CDH18: variants seen among roughly 807,000 people sequenced by gnomAD.
The protein encoded by CDH18 is cadherin-18.
In CDH18, 31 loss-of-function variants were observed where a neutral mutation model predicts 67.9. The ratio of observed to expected loss-of-function variants is 0.46; its 90% CI spans 0.34 to 0.62. The LOEUF (loss-of-function observed/expected upper bound fraction) is 0.62, where lower values mean the gene tolerates loss of function less well. Ranked by LOEUF, CDH18 falls within the 20% of genes least tolerant of loss-of-function variation. CDH18 has a pLI of 0.01. For synonymous variants in CDH18, 362 were observed against 347.2 expected (o/e 1.04, Z -0.48); for missense variants, 890 against 975.5 (o/e 0.91, Z 1.17).
chr5:19,856,832 A>G (rs1041103462), intron 2 of CDH18, among the ~76,000 whole-genome samples: 17 of 151,842 alleles, frequency 1.1e-4, no homozygotes, highest in Non-Finnish European at 4.4e-5. Flanking sequence ...TCGGCCACCC[A>G]CTCTTTGGTA....
At chr5:20,391,302 G>A (rs1157108433) in intron 1 of CDH18, among the ~76,000 whole-genome samples, 1 of 151,824 alleles carries the variant, frequency 6.6e-6, no homozygotes, top group Non-Finnish European at 1.5e-5. Flanking sequence ...ATGATGGGGT[G>A]GTTAGGGTCA....
chr5:20,206,122 C>CA (rs1300468426), intron 2 of CDH18, among the ~76,000 whole-genome samples: 2 of 151,428 alleles, frequency 1.3e-5, no homozygotes, highest in African/African-American at 4.8e-5. Context: ...AAAGAAGACC[C>CA]AAATAAATAA....
intron 7 of CDH18, among the ~76,000 whole-genome samples, chr5:19,576,778 G>A (rs992561331): frequency 2.0e-5 from 3 of 152,116 alleles, no homozygotes; most frequent in South Asian, 4.2e-4. Flanking sequence ...CCAAAGACAT[G>A]GCTGCACCCT....
chr5:19,937,241 T>C (rs1794373288), intron 2 of CDH18, among the ~76,000 whole-genome samples: 1 of 151,378 alleles, frequency 6.6e-6, no homozygotes, highest in Non-Finnish European at 1.5e-5. Context: ...TCTGGACACC[T>C]ATCACTCATT....
chr5:19,627,670 T>C (rs1281748489), intron 5 of CDH18, among the ~76,000 whole-genome samples: 1 of 152,210 alleles, frequency 6.6e-6, no homozygotes, highest in East Asian at 1.9e-4. Flanking sequence ...TACACTTATA[T>C]ACATGCATAC....
At chr5:19,715,029 T>C (rs1254763326) in intron 5 of CDH18, among the ~76,000 whole-genome samples, 4 of 152,062 alleles carry the variant, frequency 2.6e-5, no homozygotes, top group Admixed American at 2.0e-4. Context: ...TTAATAGATA[T>C]AAAATATTGA....
At chr5:20,464,469 T>TG (rs560845242) in intron 1 of CDH18, among the ~76,000 whole-genome samples, 1,082 of 55,210 alleles carry the variant, frequency 0.02, 8 homozygotes, top group African/African-American at 0.073. Context: ...TCTTGCCTGT[T>TG]ATTGTTTATC....
chr5:19,545,187 A>G (rs17284201), intron 8 of CDH18, among the ~76,000 whole-genome samples: 15,817 of 152,204 alleles, frequency 0.1, 1,043 homozygotes, highest in Non-Finnish European at 0.13. Flanking sequence ...TATTTTATCT[A>G]GACCTGAAAG....
At chr5:20,560,563 G>A (rs554447004) in intron 1 of CDH18, among the ~76,000 whole-genome samples, 1 of 151,382 alleles carries the variant, frequency 6.6e-6, no homozygotes, top group African/African-American at 2.4e-5. Context: ...AGAGCAGAGA[G>A]ATTCAGAGTG....
At chr5:19,483,986 G>C (rs1193822111) in intron 11 of CDH18, among the ~76,000 whole-genome samples, 2 of 152,164 alleles carry the variant, frequency 1.3e-5, no homozygotes, top group Non-Finnish European at 2.9e-5. Context: ...CTGAGGTGAA[G>C]TTGATGCATA....
Position 19,473,636 on chromosome 5 carries a change from C to T in CDH18, c.1963G>A (p.Val655Met), listed in dbSNP as rs779693583. Reference sequence around the variant, plus strand: ...CCTCCTTCATCATCATAGGTGACCACGTTCTCCCGTACATCCTCTTCTGAA... The same window carrying T: ...CCTCCTTCATCATCATAGGTGACCATGTTCTCCCGTACATCCTCTTCTGAA... Reference protein sequence around the residue: ...IISEEDVRENVVTYDDEGGGE... With the variant: ...IISEEDVRENMVTYDDEGGGE... Residue 655 changes from valine (V) to methionine (M), a missense_variant, in exon 13 of 13, where the codon GTG becomes ATG. This residue lies in a region of CDH18 where 656 missense variants were observed against 668.1 expected (regional missense o/e 0.98). Transcript: ENST00000382275. 1.1e-5 allele frequency: 17 copies of T among 1,613,682 alleles called. No individual in the cohort carries two copies. The highest frequency in any genetic ancestry group is 3.3e-4 in the Middle Eastern group (2 of 6,084).
At chr5:20,109,508 C>T (rs778425577) in intron 2 of CDH18, among the ~76,000 whole-genome samples, 4 of 152,140 alleles carry the variant, frequency 2.6e-5, no homozygotes, top group Admixed American at 6.5e-5. Context: ...AACGTGGCTC[C>T]GGGAAGGGAA....
chr5:20,245,540 C>G (rs1286935907), intron 2 of CDH18, among the ~76,000 whole-genome samples: 1 of 151,962 alleles, frequency 6.6e-6, no homozygotes, highest in African/African-American at 2.4e-5. Flanking sequence ...CTGAAGAAAT[C>G]AGAAAAGTAA....
intron 1 of CDH18, among the ~76,000 whole-genome samples, chr5:20,285,257 A>C (rs772369000): frequency 3.3e-5 from 5 of 151,124 alleles, no homozygotes; most frequent in Non-Finnish European, 5.9e-5. Flanking sequence ...GATAAAATTT[A>C]TTGTCTTCCA....
At chr5:19,634,794 T>G (rs919310679) in intron 5 of CDH18, among the ~76,000 whole-genome samples, 1 of 151,616 alleles carries the variant, frequency 6.6e-6, no homozygotes, top group South Asian at 2.1e-4. Flanking sequence ...AAAATTAGCC[T>G]GGCGTGGTGG....
At chr5:20,260,408 T>C (rs1744560647) in intron 1 of CDH18, among the ~76,000 whole-genome samples, 1 of 151,992 alleles carries the variant, frequency 6.6e-6, no homozygotes, top group Admixed American at 6.6e-5. Flanking sequence ...ACTTACGGAA[T>C]TACACTGAGG....
intron 2 of CDH18, among the ~76,000 whole-genome samples, chr5:19,937,708 T>C (rs748918506): frequency 1.7e-4 from 26 of 150,588 alleles, no homozygotes; most frequent in Non-Finnish European, 3.3e-4. Flanking sequence ...TATGTACATA[T>C]TTTTTTTCAA....
chr5:19,834,250 G>A (rs971942931), intron 3 of CDH18, among the ~76,000 whole-genome samples: 6 of 151,158 alleles, frequency 4.0e-5, no homozygotes, highest in South Asian at 2.1e-4. Context: ...TGGCTTAGTC[G>A]TAGTAGGGTG....
chr5:19,879,810 C>T (rs1174581704), intron 2 of CDH18, among the ~76,000 whole-genome samples: 1 of 151,868 alleles, frequency 6.6e-6, no homozygotes, highest in Non-Finnish European at 1.5e-5. Context: ...CTAGTTTGGG[C>T]CTAACATGCT....
Sources: allele counts gnomAD v4.1 joint callset (sites outside exome capture counted in the v4.1 genomes callset), GRCh38; gene constraint gnomAD v4.1.1; regional missense constraint gnomAD v4.1.1; transcripts MANE v1.5; gene names NCBI Gene and HGNC (gene_info 2026-07-23, HGNC 2026-07-21).